Variants in LARGE1 observed in about 807,000 individuals in gnomAD.
LARGE1 encodes xylosyl- and glucuronyltransferase LARGE1.
In LARGE1, 43 loss-of-function variants were observed where a neutral mutation model predicts 87.6. That is an observed-to-expected ratio of 0.49 (90% CI 0.38 to 0.63). The LOEUF is 0.63. Ranked by LOEUF, LARGE1 falls within the 30% of genes least tolerant of loss-of-function variation. The pLI, the probability that LARGE1 is intolerant of heterozygous loss-of-function variation, is 0.00. For synonymous variants in LARGE1, 434 were observed against 394.6 expected (o/e 1.10, Z -1.18); for missense variants, 802 against 1,000.2 (o/e 0.80, Z 2.67).
intron 7 of LARGE1, among the ~76,000 whole-genome samples, chr22:33,397,971 C>T (rs929290353): frequency 6.6e-6 from 1 of 152,128 alleles, no homozygotes; most frequent in Non-Finnish European, 1.5e-5. Flanking sequence ...TTCTTTTGCT[C>T]ATTTTTCTAT....
intron 1 of LARGE1, among the ~76,000 whole-genome samples, chr22:33,898,616 T>C (rs1216642577): frequency 6.6e-6 from 1 of 152,136 alleles, no homozygotes; most frequent in Non-Finnish European, 1.5e-5. Context: ...TAGCTGGGCG[T>C]GGTGGCACAT....
chr22:33,236,361 CT>C (rs1237953962), intron 11 of LARGE1, among the ~76,000 whole-genome samples: 1 of 152,160 alleles, frequency 6.6e-6, no homozygotes, highest in Non-Finnish European at 1.5e-5. Context: ...TCTGCTACAA[CT>C]GTTTATATCC....
At chr22:33,842,251 A>G (rs1212095498) in intron 1 of LARGE1, among the ~76,000 whole-genome samples, 2 of 152,190 alleles carry the variant, frequency 1.3e-5, no homozygotes, top group Non-Finnish European at 2.9e-5. Context: ...TGCTCTGGCG[A>G]TTCGCAACTC....
intron 1 of LARGE1, among the ~76,000 whole-genome samples, chr22:33,832,617 C>T (rs537639353): frequency 1.3e-5 from 2 of 152,312 alleles, no homozygotes; most frequent in South Asian, 4.1e-4. Context: ...CCAGAGGGCT[C>T]GGAATCAGCT....
At position 33,748,135 on chromosome 22, in the gene LARGE1, GT is replaced by G. The variant is rs367726760; in HGVS notation, c.106+13235del. Among the ~76,000 whole-genome samples, 124 of 126,756 alleles carry G rather than the reference GT, an allele frequency of 9.8e-4. 1 individual carries two copies. The highest frequency in any genetic ancestry group is 2.3e-3 in the East Asian group (10 of 4,318). 83.2% of individuals were successfully genotyped at this position (126,756 alleles called of 152,430 possible). ...GGGTTCTTCCTATCAATGCAGGTTT[GT>G]TTTTTTTTTTTTTTTAGACAGAGTC... On this transcript the variant is annotated intron_variant, in intron 2 of 14. Transcript: ENST00000397394.
chr22:33,081,620 T>G, the LARGE1 span, among the ~76,000 whole-genome samples: 1 of 152,162 alleles, frequency 6.6e-6, no homozygotes, highest in African/African-American at 2.4e-5. Flanking sequence ...TAACCCTTTT[T>G]GAGAATCTGC....
intron 9 of LARGE1, among the ~76,000 whole-genome samples, chr22:33,381,196 T>TA (rs1196067762): frequency 6.6e-6 from 1 of 152,082 alleles, no homozygotes. Context: ...GTTAAACCAG[T>TA]AAAAAAATGA....
At chr22:33,448,269 T>C (rs1376982962) in intron 6 of LARGE1, among the ~76,000 whole-genome samples, 1 of 152,148 alleles carries the variant, frequency 6.6e-6, no homozygotes, top group Non-Finnish European at 1.5e-5. Flanking sequence ...TTCACCTCCA[T>C]AGAAAATTAT....
intron 5 of LARGE1, among the ~76,000 whole-genome samples, chr22:33,592,867 G>GT (rs11453065): frequency 1 from 152,244 of 152,246 alleles, 76,121 homozygotes; most frequent in Middle Eastern, 1. Flanking sequence ...TTGAGACGGA[G>GT]CTTGCTCTGT....
At chr22:33,852,181 T>C (rs750933136) in intron 1 of LARGE1, among the ~76,000 whole-genome samples, 5 of 152,182 alleles carry the variant, frequency 3.3e-5, no homozygotes, top group Non-Finnish European at 7.3e-5. Context: ...TTGTGGTATT[T>C]ACTTTGTACT....
At chr22:33,280,731 G>A (rs958242808) in intron 13 of LARGE1, among the ~76,000 whole-genome samples, 3 of 152,186 alleles carry the variant, frequency 2.0e-5, no homozygotes, top group Non-Finnish European at 2.9e-5. Flanking sequence ...GCTAAAAAAG[G>A]GATGGGAAGA....
Position 33,661,057 on chromosome 22 carries a change from C to T in LARGE1, c.107-10389G>A, listed in dbSNP as rs553106801. 3.3e-5 allele frequency among the ~76,000 whole-genome samples: 5 copies of T among 151,996 alleles called. No individual in the cohort carries two copies. In the South Asian group the frequency reaches 1.0e-3, roughly 32 times the overall value. On this transcript the variant is annotated intron_variant, in intron 2 of 14. Coordinates refer to ENST00000397394, the MANE Select transcript of LARGE1 (RefSeq NM_133642.5). ...AATCTTGTTCAAATCAGAAGACCCA[C>T]ATGGGATGATTTTTTAGCAAAGATT...
intron 2 of LARGE1, among the ~76,000 whole-genome samples, chr22:33,691,230 C>A (rs1369456253): frequency 1.3e-5 from 2 of 151,824 alleles, no homozygotes; most frequent in East Asian, 1.9e-4. Flanking sequence ...GCAGCCACAA[C>A]TGCAAATGTT....
chr22:33,180,817 A>G (rs1352088992), intron 11 of LARGE1, among the ~76,000 whole-genome samples: 1 of 152,234 alleles, frequency 6.6e-6, no homozygotes, highest in Admixed American at 6.5e-5. Flanking sequence ...AAAGAAGCCT[A>G]TTACAAAAGG....
intron 6 of LARGE1, among the ~76,000 whole-genome samples, chr22:33,510,680 A>C (rs2071016369): frequency 6.6e-6 from 1 of 152,164 alleles, no homozygotes; most frequent in South Asian, 2.1e-4. Context: ...GGCTCAAATG[A>C]TCCTCTCACC....
At chr22:33,628,900 G>C (rs2080015575) in intron 3 of LARGE1, among the ~76,000 whole-genome samples, 1 of 152,136 alleles carries the variant, frequency 6.6e-6, no homozygotes, top group South Asian at 2.1e-4. Context: ...GTAGAGGCCA[G>C]GGATGCTGCT....
chr22:33,231,291 T>C (rs931249111), intron 11 of LARGE1, among the ~76,000 whole-genome samples: 2 of 152,216 alleles, frequency 1.3e-5, no homozygotes, highest in Non-Finnish European at 2.9e-5. Context: ...AACAGGAGTT[T>C]AGACAGAAGC....
At chr22:33,456,152 C>A (rs1428986772) in intron 6 of LARGE1, among the ~76,000 whole-genome samples, 1 of 152,192 alleles carries the variant, frequency 6.6e-6, no homozygotes, top group Non-Finnish European at 1.5e-5. Context: ...TGTTCTTAGA[C>A]CTGGACCTCC....
At chr22:33,458,330 T>A (rs1264076076) in intron 6 of LARGE1, among the ~76,000 whole-genome samples, 1 of 152,150 alleles carries the variant, frequency 6.6e-6, no homozygotes, top group Non-Finnish European at 1.5e-5. Context: ...GGTCTCGATC[T>A]CCTGACCTCA....
Sources: gnomAD v4.1 joint callset for allele counts (sites outside exome capture counted in the v4.1 genomes callset) on GRCh38, gnomAD v4.1.1 for gene constraint, MANE v1.5 for transcripts, NCBI Gene and HGNC (gene_info 2026-07-23, HGNC 2026-07-21) for gene names.